Variants in MON2 observed in about 807,000 individuals in gnomAD.
MON2 encodes protein MON2 homolog.
In MON2, 84 loss-of-function variants were observed where a neutral mutation model predicts 208.6. The observed-to-expected ratio is 0.40, with a 90% CI of 0.34 to 0.48. MON2 has a LOEUF of 0.48. Ranked by LOEUF, MON2 falls within the 20% of genes least tolerant of loss-of-function variation. The pLI, the probability that MON2 is intolerant of heterozygous loss-of-function variation, is 0.59. For synonymous variants in MON2, 660 were observed against 694.0 expected (o/e 0.95, Z 0.77); for missense variants, 1,611 against 2,015.4 (o/e 0.80, Z 3.84).
At chr12:62,520,660 C>T (rs924477393) in intron 8 of MON2, among the ~76,000 whole-genome samples, 12 of 151,840 alleles carry the variant, frequency 7.9e-5, no homozygotes, top group African/African-American at 2.7e-4. Flanking sequence ...CTTGGCCAGG[C>T]GCAGTGGCTC....
Position 62,534,404 on chromosome 12 carries a change from A to G in MON2, c.1634-441A>G, listed in dbSNP as rs571818553. Among the ~76,000 whole-genome samples, 172 of 149,516 alleles carry G rather than the reference A, an allele frequency of 1.2e-3. 1 individual carries two copies. Among genetic ancestry groups the G allele is most frequent in the East Asian group, 3.4e-3 (17 of 5,074 alleles). On this transcript the variant is annotated intron_variant, in intron 12 of 34. Transcript: ENST00000393630. ...TGTGGTGGCGTGTGTCTGTAATCCC[A>G]GCTACTCAGGAGGCTAAGGCAGGAA...
At chr12:62,543,631 G>A (rs559597070) in intron 20 of MON2, among the ~76,000 whole-genome samples, 1 of 151,228 alleles carries the variant, frequency 6.6e-6, no homozygotes, top group Non-Finnish European at 1.5e-5. Flanking sequence ...TTTTTGAGAC[G>A]GAATCTAACT....
intron 8 of MON2, among the ~76,000 whole-genome samples, chr12:62,521,083 G>A (rs2072015529): frequency 6.6e-6 from 1 of 151,404 alleles, no homozygotes; most frequent in South Asian, 2.1e-4. Flanking sequence ...TCGGCTCACT[G>A]CAACCTCTGC....
At position 62,547,023 on chromosome 12, in the gene MON2, G is replaced by C; in HGVS notation, c.2704G>C (p.Gly902Arg). The C allele has an allele frequency of 6.2e-7, 1 of 1,607,714 alleles. No individual in the cohort carries two copies. Among genetic ancestry groups the C allele is most frequent in the Non-Finnish European group, 8.5e-7 (1 of 1,176,178 alleles). Residue 902 changes from glycine to arginine, a missense_variant, in exon 22 of 35, where the codon GGA becomes CGA. Coordinates refer to ENST00000393630, the MANE Select transcript of MON2 (RefSeq NM_015026.3). ...LQSQGDSLGPGWPLVLGVMGA... is the reference protein window; with the variant it reads ...LQSQGDSLGPRWPLVLGVMGA... ...GAGTCAGGGAGACAGTCTTGGGCCTGGATGGCCATTAGTGCTTGGAGTCAT... is the reference window on the plus strand; with the variant it reads ...GAGTCAGGGAGACAGTCTTGGGCCTCGATGGCCATTAGTGCTTGGAGTCAT...
chr12:62,477,351 GTTC>G (rs947290864), intron 1 of MON2, among the ~76,000 whole-genome samples: 3 of 152,080 alleles, frequency 2.0e-5, no homozygotes, highest in Admixed American at 6.6e-5. Flanking sequence ...GGTAGGCTAT[GTTC>G]TTCTCTCATT....
chr12:62,588,211 A>T (rs2075280804), intron 34 of MON2, 55 bp downstream of exon 34: 1 of 1,234,104 alleles, frequency 8.1e-7, no homozygotes, highest in Non-Finnish European at 1.2e-6. Flanking sequence ...TCTATTTGTG[A>T]TGGACTTTTG....
intron 8 of MON2, among the ~76,000 whole-genome samples, chr12:62,514,449 G>A (rs1031209572): frequency 1.3e-5 from 2 of 152,346 alleles, no homozygotes; most frequent in Non-Finnish European, 2.9e-5. Context: ...GGCTGGCGAG[G>A]CCTCACAATC....
At chr12:62,520,507 G>T (rs12298863) in intron 8 of MON2, among the ~76,000 whole-genome samples, 98,912 of 151,926 alleles carry the variant, frequency 0.65, 32,185 homozygotes, top group Middle Eastern at 0.71. Flanking sequence ...CTTTTTCAGT[G>T]AAAATGTTAT....
At position 62,550,460 on chromosome 12, in the gene MON2, T is replaced by G. The variant is rs529600490; in HGVS notation, c.2916+630T>G. 1.1e-4 allele frequency among the ~76,000 whole-genome samples: 17 copies of G among 152,274 alleles called. No homozygotes were observed. The South Asian group carries it at 3.5e-3, about 32-fold the overall frequency. ...TTGCTTGAGCCCAGGAATTGGAGGC[T>G]GCAGTGAGCTATGATCACAGCACTG... On this transcript the variant is annotated intron_variant, in intron 23 of 34. Coordinates refer to ENST00000393630, the MANE Select transcript of MON2 (RefSeq NM_015026.3).
intron 1 of MON2, among the ~76,000 whole-genome samples, chr12:62,478,121 T>TTG (rs59861392): frequency 0.2 from 29,442 of 149,682 alleles, 3,020 homozygotes; most frequent in African/African-American, 0.23. Context: ...TAGATATAAT[T>TTG]TGTGTGTGTG....
intron 25 of MON2, 107 bp downstream of exon 25, chr12:62,556,299 G>A: frequency 1.9e-6 from 2 of 1,071,736 alleles, no homozygotes; most frequent in Non-Finnish European, 2.7e-6. Context: ...TTTATGTGTG[G>A]TGTGTGTGTA....
chr12:62,500,915 A>G (rs1369099280), intron 6 of MON2, 35 bp downstream of exon 6: 1 of 1,298,444 alleles, frequency 7.7e-7, no homozygotes, highest in Non-Finnish European at 1.1e-6. Context: ...TTTATTCTAA[A>G]ATATAGTTTT....
intron 11 of MON2, among the ~76,000 whole-genome samples, chr12:62,531,932 G>A (rs1379617609): frequency 6.6e-6 from 1 of 151,934 alleles, no homozygotes; most frequent in Non-Finnish European, 1.5e-5. Context: ...ACCACGCCTG[G>A]CTAATTTTTT....
intron 31 of MON2, among the ~76,000 whole-genome samples, chr12:62,579,810 TGTATTAAA>T (rs2074936891): frequency 6.6e-6 from 1 of 152,242 alleles, no homozygotes; most frequent in Non-Finnish European, 1.5e-5. Flanking sequence ...GTGCCATTAC[TGTATTAAA>T]GCTCTTGTGG....
At chr12:62,521,533 C>T (rs2072038520) in intron 8 of MON2, among the ~76,000 whole-genome samples, 1 of 152,130 alleles carries the variant, frequency 6.6e-6, no homozygotes, top group South Asian at 2.1e-4. Flanking sequence ...CTAAGGGGCC[C>T]AGGGACCACA....
At chr12:62,569,499 A>G (rs1309001541) in intron 29 of MON2, among the ~76,000 whole-genome samples, 1 of 152,194 alleles carries the variant, frequency 6.6e-6, no homozygotes, top group African/African-American at 2.4e-5. Flanking sequence ...TTCTCTTCAT[A>G]GCTGTAGGCC....
At chr12:62,527,570 C>T (rs1038506838) in intron 11 of MON2, among the ~76,000 whole-genome samples, 1 of 152,106 alleles carries the variant, frequency 6.6e-6, no homozygotes, top group Non-Finnish European at 1.5e-5. Context: ...TTATCTAGTT[C>T]ACCTTCCCAC....
Position 62,534,828 on chromosome 12 carries a change from TG to T in MON2, c.1634-16del, listed in dbSNP as rs758654911. ...TCTATAATTAAAATTAAATATTGTA[TG>T]TTTTTTTCCTTTAAGTTAGTAGGGC... On this transcript the variant is annotated splice_polypyrimidine_tract_variant and intron_variant, in intron 12 of 34. Coordinates refer to ENST00000393630, the MANE Select transcript of MON2 (RefSeq NM_015026.3). 1.6e-5 allele frequency: 26 copies of T among 1,579,316 alleles called. No individual in the cohort carries two copies. In the Admixed American group the frequency reaches 1.8e-4, roughly 11 times the overall value.
rs1170816564 is a variant in MON2, at chr12:62,541,253, C to T, written c.2365-1844C>T. ...AAAATTAGCCTGGCATGGTGGTGCA[C>T]ACCTATAATCCCAGCTGTTCTCATG... is the stretch of plus-strand genomic sequence containing the variant. On this transcript the variant is annotated intron_variant, in intron 19 of 34. Coordinates refer to ENST00000393630, the MANE Select transcript of MON2 (RefSeq NM_015026.3). 2.6e-5 allele frequency among the ~76,000 whole-genome samples: 4 copies of T among 151,824 alleles called. No individual in the cohort carries two copies. The East Asian group carries it at 5.8e-4, about 22-fold the overall frequency.
Sources: allele counts gnomAD v4.1 joint callset (sites outside exome capture counted in the v4.1 genomes callset), GRCh38; gene constraint gnomAD v4.1.1; transcripts MANE v1.5; gene names NCBI Gene and HGNC (gene_info 2026-07-23, HGNC 2026-07-21).